CADPS: variants seen among roughly 807,000 people sequenced by gnomAD.
CADPS encodes the protein calcium-dependent secretion activator 1.
In CADPS, 57 loss-of-function variants were observed where a neutral mutation model predicts 167.3. The observed-to-expected ratio is 0.34, with a 90% CI of 0.28 to 0.42. CADPS has a LOEUF of 0.42. CADPS is among the 20% of genes least tolerant of loss of function. The pLI is 1.00. For synonymous variants in CADPS, 676 were observed against 635.3 expected (o/e 1.06, Z -0.96); for missense variants, 1,414 against 1,738.1 (o/e 0.81, Z 3.32).
intron 3 of CADPS, among the ~76,000 whole-genome samples, chr3:62,694,507 A>C (rs6445286): frequency 0.98 from 149,574 of 152,070 alleles, 73,610 homozygotes; most frequent in Middle Eastern, 1. Context: ...TACCTGGGGG[A>C]AGATCAATTA....
At chr3:62,551,037 C>T (rs551524146) in intron 10 of CADPS, 1 of 419,742 alleles carries the variant, frequency 2.4e-6, no homozygotes, top group East Asian at 7.1e-5. Flanking sequence ...TTAGAAGCAC[C>T]CTCTCTCATG....
intron 28 of CADPS, among the ~76,000 whole-genome samples, chr3:62,415,438 G>A (rs575912527): frequency 6.6e-6 from 1 of 152,114 alleles, no homozygotes; most frequent in South Asian, 2.1e-4. Context: ...GCTCGCCCCA[G>A]GGGTGCTGCA....
intron 3 of CADPS, among the ~76,000 whole-genome samples, chr3:62,738,804 T>C (rs2079564882): frequency 1.3e-5 from 2 of 152,218 alleles, no homozygotes; most frequent in Non-Finnish European, 1.5e-5. Context: ...AGGTCTTAAT[T>C]CCATGTTATA....
At chr3:62,711,562 C>G (rs1003513191) in intron 3 of CADPS, among the ~76,000 whole-genome samples, 2 of 152,184 alleles carry the variant, frequency 1.3e-5, no homozygotes, top group Admixed American at 1.3e-4. Flanking sequence ...GGATTATGAG[C>G]CTTAGCTAGT....
chr3:62,451,982 T>G (rs139412901), intron 26 of CADPS, among the ~76,000 whole-genome samples: 12 of 152,328 alleles, frequency 7.9e-5, no homozygotes, highest in African/African-American at 2.6e-4. Flanking sequence ...ATATCTAGAA[T>G]GTAGGTGCTC....
intron 26 of CADPS, among the ~76,000 whole-genome samples, chr3:62,447,372 T>C (rs76387895): frequency 0.02 from 3,048 of 152,320 alleles, 42 homozygotes; most frequent in Non-Finnish European, 0.03. Context: ...AGACGATTCC[T>C]GGAGTCTCCT....
At chr3:62,494,684 T>TTTTTTTC (rs1328369065) in intron 18 of CADPS, among the ~76,000 whole-genome samples, 1 of 150,796 alleles carries the variant, frequency 6.6e-6, no homozygotes, top group Non-Finnish European at 1.5e-5. Flanking sequence ...TTTTTTTTTT[T>TTTTTTTC]TGGACGGAGT....
chr3:62,490,389 A>G (rs902379984), intron 21 of CADPS, among the ~76,000 whole-genome samples: 3 of 152,162 alleles, frequency 2.0e-5, no homozygotes, highest in Non-Finnish European at 4.4e-5. Context: ...CCATCAAACC[A>G]TAACCATCAA....
At chr3:62,555,705 T>C (rs62243516) in intron 10 of CADPS, among the ~76,000 whole-genome samples, 5,460 of 152,290 alleles carry the variant, frequency 0.036, 113 homozygotes, top group Non-Finnish European at 0.045. Context: ...TATTGGCCCT[T>C]TAGCGTCCCA....
intron 28 of CADPS, among the ~76,000 whole-genome samples, chr3:62,430,240 G>C (rs943022864): frequency 2.6e-5 from 4 of 152,150 alleles, no homozygotes; most frequent in African/African-American, 7.2e-5. Context: ...ATGTGGAATG[G>C]AAATGTGTTT....
At chr3:62,441,557 C>T (rs2056317485) in intron 27 of CADPS, among the ~76,000 whole-genome samples, 1 of 152,196 alleles carries the variant, frequency 6.6e-6, no homozygotes, top group Non-Finnish European at 1.5e-5. Flanking sequence ...ACTAGAACTT[C>T]CCTCCAGTAG....
intron 1 of CADPS, among the ~76,000 whole-genome samples, chr3:62,845,374 G>A (rs2077247542): frequency 6.6e-6 from 1 of 152,136 alleles, no homozygotes; most frequent in South Asian, 2.1e-4. Flanking sequence ...TACCAGATGT[G>A]TGATTTGAAC....
In CADPS at chr3:62,777,899, G is replaced by C. The variant is rs114577867; in HGVS notation, c.442-11915C>G. Reference sequence around the variant, plus strand: ...AGAGTAAAAAGCCATCAGTATTTCTGAGTTTCATCATCTCATGTCTTACGG... The same window carrying C: ...AGAGTAAAAAGCCATCAGTATTTCTCAGTTTCATCATCTCATGTCTTACGG... On this transcript the variant is annotated intron_variant, in intron 1 of 29. Transcript: ENST00000383710. Among the ~76,000 whole-genome samples the C allele has an allele frequency of 5.3e-3, 802 of 152,238 alleles. 13 individuals are homozygous for C. The highest frequency in any genetic ancestry group is 0.018 in the African/African-American group (756 of 41,538).
chr3:62,458,611 C>A lies in CADPS; in HGVS notation c.3636+6756G>T, dbSNP rs779631509. ...TCAAGCAATTCTCCTGGCTCAGCCTCTCAAGCAGTTGGGATTACAGGCACC... is the reference window on the plus strand; with the variant it reads ...TCAAGCAATTCTCCTGGCTCAGCCTATCAAGCAGTTGGGATTACAGGCACC... On this transcript the variant is annotated intron_variant, in intron 26 of 29. Transcript: ENST00000383710. The surrounding 1 kb of genome is among the most constrained non-coding windows in gnomAD (Gnocchi z 4.6). Among the ~76,000 whole-genome samples the A allele has an allele frequency of 4.7e-4, 71 of 152,268 alleles. No homozygotes were observed. Among genetic ancestry groups the A allele is most frequent in the Non-Finnish European group, 8.2e-4 (56 of 68,018 alleles).
chr3:62,603,103 T>C (rs780776232), intron 6 of CADPS, among the ~76,000 whole-genome samples: 2 of 152,224 alleles, frequency 1.3e-5, no homozygotes, highest in Non-Finnish European at 2.9e-5. Flanking sequence ...ATCTGTTTTG[T>C]TGGCTGCTTT....
intron 29 of CADPS, among the ~76,000 whole-genome samples, chr3:62,402,090 C>A (rs1463733156): frequency 6.6e-6 from 1 of 152,142 alleles, no homozygotes; most frequent in Non-Finnish European, 1.5e-5. Context: ...TGTCTATAAC[C>A]TTTCCCGGGT....
chr3:62,466,723 T>A (rs113460023), intron 24 of CADPS: 1 of 361,728 alleles, frequency 2.8e-6, no homozygotes. Flanking sequence ...GTGTGTTGAT[T>A]TGGATCTTAC....
chr3:62,828,086 C>G (rs1257552003), intron 1 of CADPS, among the ~76,000 whole-genome samples: 1 of 152,130 alleles, frequency 6.6e-6, no homozygotes, highest in East Asian at 1.9e-4. Flanking sequence ...GGGTCGGTAG[C>G]AATGGTGGGT....
At chr3:62,664,093 C>T (rs942017745) in intron 3 of CADPS, among the ~76,000 whole-genome samples, 3 of 151,364 alleles carry the variant, frequency 2.0e-5, no homozygotes, top group Admixed American at 6.6e-5. Flanking sequence ...CTGCAACCTC[C>T]GCCCCTGGAT....
Sources: gnomAD v4.1 joint callset for allele counts (sites outside exome capture counted in the v4.1 genomes callset) on GRCh38, gnomAD v4.1.1 for gene constraint, Gnocchi (gnomAD v3.1) non-coding constraint, MANE v1.5 for transcripts, NCBI Gene and HGNC (gene_info 2026-07-23, HGNC 2026-07-21) for gene names.